The following HTR5A variants were observed in gnomAD, a reference collection of about 807,000 sequenced individuals.
HTR5A encodes 5-hydroxytryptamine receptor 5A, also known as 5-HT-5.
In HTR5A, 21 loss-of-function variants were observed where a neutral mutation model predicts 24.3. The ratio of observed to expected loss-of-function variants is 0.86; its 90% CI spans 0.61 to 1.24. HTR5A has a LOEUF of 1.24. Among genes scored for constraint, HTR5A ranks in the 50% most tolerant of loss-of-function variants. The pLI, the probability that HTR5A is intolerant of heterozygous loss-of-function variation, is 0.00. For synonymous variants in HTR5A, 260 were observed against 213.7 expected (o/e 1.22, Z -1.89); for missense variants, 497 against 489.5 (o/e 1.02, Z -0.15).
intron 1 of HTR5A, among the ~76,000 whole-genome samples, chr7:155,079,153 C>G (rs1233736035): frequency 6.6e-6 from 1 of 152,026 alleles, no homozygotes; most frequent in Non-Finnish European, 1.5e-5. Flanking sequence ...TGGGGTCTCT[C>G]TATTGCACAG....
rs369729113 is a variant in HTR5A at position 155,071,001 on chromosome 7, C to G, written c.102C>G (p.Pro34=). Reference sequence around the variant, plus strand: ...AAGACGACCTGCGCCCCAGCTCGCCCCTGCTCTCGGTCTTCGGAGTGCTTA... The same window carrying G: ...AAGACGACCTGCGCCCCAGCTCGCCGCTGCTCTCGGTCTTCGGAGTGCTTA... ...LGKDDLRPSS[P]LLSVFGVLIL... Residue 34 remains proline (P), a synonymous_variant, in exon 1 of 2, where the codon CCC becomes CCG. Transcript: ENST00000287907. 1 of 1,611,922 alleles carries G rather than the reference C, an allele frequency of 6.2e-7. No individual in the cohort carries two copies. The highest frequency in any genetic ancestry group is 8.5e-7 in the Non-Finnish European group (1 of 1,180,046).
chr7:155,086,972 C>A lies in HTR5A; in HGVS notation c.*2485C>A, dbSNP rs1447337810. ...CTGGAGGGTTTCCTGCAAGCCCTCT[C>A]TGTAGGGTGACTGAGGTGAACCAAT... On this transcript the variant is annotated 3_prime_UTR_variant, in exon 2 of 2. Coordinates refer to ENST00000287907, the MANE Select transcript of HTR5A (RefSeq NM_024012.4). Among the ~76,000 whole-genome samples, 2 of 152,132 alleles carry A rather than the reference C, an allele frequency of 1.3e-5. No individual in the cohort carries two copies. Among genetic ancestry groups the A allele is most frequent in the Non-Finnish European group, 2.9e-5 (2 of 67,984 alleles).
intron 1 of HTR5A, among the ~76,000 whole-genome samples, chr7:155,082,110 C>A (rs1225924258): frequency 7.0e-6 from 1 of 143,506 alleles, no homozygotes; most frequent in Non-Finnish European, 1.5e-5. Context: ...TCCAGTGGGA[C>A]CAGCATCCCC....
chr7:155,072,493 C>T (rs1252520972), intron 1 of HTR5A, among the ~76,000 whole-genome samples: 7 of 152,210 alleles, frequency 4.6e-5, no homozygotes, highest in Non-Finnish European at 8.8e-5. Flanking sequence ...CTTTTCTCAT[C>T]TTCTCCCACT....
chr7:155,077,550 A>G (rs1017475656), intron 1 of HTR5A, among the ~76,000 whole-genome samples: 2 of 145,754 alleles, frequency 1.4e-5, no homozygotes, highest in African/African-American at 5.1e-5. Flanking sequence ...TGCAATCTCC[A>G]CCTCCCAGGT....
intron 1 of HTR5A, among the ~76,000 whole-genome samples, chr7:155,076,215 C>G (rs1795357453): frequency 6.6e-6 from 1 of 152,202 alleles, no homozygotes; most frequent in African/African-American, 2.4e-5. Flanking sequence ...CCACACTTCT[C>G]TTTCTGGAGG....
At chr7:155,080,994 T>A (rs115866057) in intron 1 of HTR5A, among the ~76,000 whole-genome samples, 2,028 of 152,310 alleles carry the variant, frequency 0.013, 40 homozygotes, top group African/African-American at 0.041. Context: ...CCAAACTGCA[T>A]CATCCTTGAT....
chr7:155,084,343 C>G lies in HTR5A; in HGVS notation c.930C>G (p.Leu310=). The G allele has an allele frequency of 6.2e-7, 1 of 1,614,214 alleles. No individual in the cohort carries two copies. The highest frequency in any genetic ancestry group is 8.5e-7 in the Non-Finnish European group (1 of 1,180,048). ...TTCTCACCGAGCTCATCAGTCCCCT[C>G]TGCTCCTGTGACATCCCCGCCATCT... The part of the protein sequence containing the change: ...PFFLTELISP[L]CSCDIPAIWK... The change falls in exon 2 of 2, where the codon CTC becomes CTG. Residue 310 remains leucine (L), a synonymous_variant. Transcript: ENST00000287907.
chr7:155,077,859 A>G (rs1795375275), intron 1 of HTR5A, among the ~76,000 whole-genome samples: 1 of 152,212 alleles, frequency 6.6e-6, no homozygotes, highest in Non-Finnish European at 1.5e-5. Context: ...AAAAATGTAC[A>G]TGGAATGATC....
chr7:155,084,742 C>T lies in HTR5A; in HGVS notation c.*255C>T, dbSNP rs1027358914. The T allele has an allele frequency of 2.4e-5, 10 of 424,524 alleles. No individual in the cohort carries two copies. The highest frequency in any genetic ancestry group is 4.1e-5 in the Admixed American group (1 of 24,210). The allele number at this position is 424,524 out of a possible 1,614,324, so 26.3% of individuals were successfully genotyped here. A position where few individuals can be genotyped will look rare whatever the true frequency, so the allele number is the denominator to read the frequency against. On this transcript the variant is annotated 3_prime_UTR_variant, in exon 2 of 2. Transcript: ENST00000287907. ...TGTGCTGACAGTCATGGTCTTTGCCCGCAAAGTGTCCTTTCCTCCCCAAAT... is the reference window on the plus strand; with the variant it reads ...TGTGCTGACAGTCATGGTCTTTGCCTGCAAAGTGTCCTTTCCTCCCCAAAT...
At position 155,070,368 on chromosome 7, in the gene HTR5A, G is replaced by A. The variant is rs1374428144; in HGVS notation, c.-532G>A. 2.2e-6 allele frequency: 1 copy of A among 455,072 alleles called. No individual in the cohort carries two copies. Among genetic ancestry groups the A allele is most frequent in the South Asian group, 1.6e-5 (1 of 64,504 alleles). 28.2% of individuals were successfully genotyped at this position (455,072 alleles called of 1,614,324 possible). A position where few individuals can be genotyped will look rare whatever the true frequency, so the allele number is the denominator to read the frequency against. On this transcript the variant is annotated 5_prime_UTR_variant, in exon 1 of 2. Transcript: ENST00000287907. ...TGCAGCCTCCGAAGGGGTGGCGGGG[G>A]CAACAGGGACAGAAGGCAGGTCCCA...
rs1254807139 is a variant in HTR5A at position 155,071,233 on chromosome 7, A to G, written c.334A>G (p.Arg112Gly). The change falls in exon 1 of 2, where the codon AGG becomes GGG. Residue 112 changes from arginine to glycine, a missense_variant. Coordinates refer to ENST00000287907, the MANE Select transcript of HTR5A (RefSeq NM_024012.4). ...CGGGCGCCGCTGGCAGCTAGGTCGG[A>G]GGCTGTGCCAGCTTTGGATCGCGTG... ...LSGRRWQLGR[R>G]LCQLWIACDV... 6.2e-7 allele frequency: 1 copy of G among 1,604,200 alleles called. No homozygotes were observed. Among genetic ancestry groups the G allele is most frequent in the East Asian group, 2.2e-5 (1 of 44,886 alleles).
At chr7:155,083,341 A>C (rs2150821367) in intron 1 of HTR5A, among the ~76,000 whole-genome samples, 1 of 152,326 alleles carries the variant, frequency 6.6e-6, no homozygotes, top group African/African-American at 2.4e-5. Context: ...GGATCAATTA[A>C]TTTGCTAATT....
intron 1 of HTR5A, among the ~76,000 whole-genome samples, chr7:155,078,616 T>C (rs57274639): frequency 0.029 from 4,455 of 152,206 alleles, 198 homozygotes; most frequent in African/African-American, 0.1. Flanking sequence ...CCCAGATTCA[T>C]TTAGTTTACT....
Position 155,070,997 on chromosome 7 carries a change from C to T in HTR5A, c.98C>T (p.Ser33Leu), listed in dbSNP as rs1439011502. 14 of 1,611,876 alleles carry T rather than the reference C, an allele frequency of 8.7e-6. No homozygotes were observed. In the East Asian group the frequency reaches 2.7e-4, roughly 31 times the overall value. The change falls in exon 1 of 2, where the codon TCG (serine) becomes TTG (leucine). Residue 33 changes from serine to leucine, a missense_variant. Physicochemically the swap from Ser to Leu is moderately radical, Grantham distance 145. Coordinates refer to ENST00000287907, the MANE Select transcript of HTR5A (RefSeq NM_024012.4). ...SLGKDDLRPS[S>L]PLLSVFGVLI... Reference sequence around the variant, plus strand: ...GGCAAAGACGACCTGCGCCCCAGCTCGCCCCTGCTCTCGGTCTTCGGAGTG... The same window carrying T: ...GGCAAAGACGACCTGCGCCCCAGCTTGCCCCTGCTCTCGGTCTTCGGAGTG...
rs1040708127 is a variant in HTR5A, at chr7:155,084,709, C to T, written c.*222C>T. ...TGATGTATCTAACTTATCTACTATC[C>T]CTTTCTCTGTGCTGACAGTCATGGT... On this transcript the variant is annotated 3_prime_UTR_variant, in exon 2 of 2. Coordinates refer to ENST00000287907, the MANE Select transcript of HTR5A (RefSeq NM_024012.4). 1.9e-6 allele frequency: 1 copy of T among 528,344 alleles called. No individual in the cohort carries two copies. The highest frequency in any genetic ancestry group is 3.3e-6 in the Non-Finnish European group (1 of 300,934). 32.7% of individuals were successfully genotyped at this position (528,344 alleles called of 1,614,324 possible).
chr7:155,071,574 G>C lies in HTR5A; in HGVS notation c.675G>C (p.Lys225Asn). 1 of 1,614,190 alleles carries C rather than the reference G, an allele frequency of 6.2e-7. No homozygotes were observed. The highest frequency in any genetic ancestry group is 8.5e-7 in the Non-Finnish European group (1 of 1,180,040). The change falls in exon 1 of 2, where the codon AAG becomes AAC. Residue 225 changes from lysine (K) to asparagine (N), a missense_variant. Physicochemically the swap from Lys to Asn is moderately conservative, Grantham distance 94. Coordinates refer to ENST00000287907, the MANE Select transcript of HTR5A (RefSeq NM_024012.4). ...TCTTCGTGTACTGGAAGATCTACAAGGCTGCCAAGTTCCGCGTGGGCTCCA... is the reference window on the plus strand; with the variant it reads ...TCTTCGTGTACTGGAAGATCTACAACGCTGCCAAGTTCCGCGTGGGCTCCA... ...VVLFVYWKIY[K>N]AAKFRVGSRK...
rs1187344014 is a variant in HTR5A, at chr7:155,085,781, TAATA to T, written c.*1298_*1301del. On this transcript the variant is annotated 3_prime_UTR_variant, in exon 2 of 2. Transcript: ENST00000287907. ...TGTAATTCATGTAGTATATTGTATA[TAATA>T]AATTATATCAATTAAGAGTTCAAAC... 1.3e-5 allele frequency: 2 copies of T among 152,242 alleles called. No individual in the cohort carries two copies. The highest frequency in any genetic ancestry group is 2.4e-5 in the African/African-American group (1 of 41,466). The allele number at this position is 152,242 out of a possible 1,614,324, so 9.4% of individuals were successfully genotyped here.
intron 1 of HTR5A, 38 bp downstream of exon 1, chr7:155,071,678 C>A (rs1420037951): frequency 3.1e-6 from 5 of 1,599,956 alleles, no homozygotes; most frequent in Non-Finnish European, 4.3e-6. Flanking sequence ...ACTCGACTTG[C>A]ATCTGTACAG....
Sources: allele counts gnomAD v4.1 joint callset (sites outside exome capture counted in the v4.1 genomes callset), GRCh38; gene constraint gnomAD v4.1.1; transcripts MANE v1.5; gene names NCBI Gene and HGNC (gene_info 2026-07-23, HGNC 2026-07-21).